MACROD2: variants seen among roughly 807,000 people sequenced by gnomAD.
MACROD2 encodes ADP-ribose glycohydrolase MACROD2.
A neutral mutation model predicts 70.4 loss-of-function variants in MACROD2; 36 were observed. The ratio of observed to expected loss-of-function variants is 0.51; its 90% CI spans 0.39 to 0.68. The LOEUF (loss-of-function observed/expected upper bound fraction) is 0.68. Among genes scored for constraint, MACROD2 ranks in the 30% least tolerant of loss-of-function variants. MACROD2 has a pLI of 0.00. For synonymous variants in MACROD2, 172 were observed against 178.8 expected (o/e 0.96, Z 0.30); for missense variants, 496 against 538.4 (o/e 0.92, Z 0.78).
At chr20:15,274,032 C>G (rs2077369251) in intron 6 of MACROD2, among the ~76,000 whole-genome samples, 1 of 152,168 alleles carries the variant, frequency 6.6e-6, no homozygotes, top group African/African-American at 2.4e-5. Flanking sequence ...TCCTTCTATT[C>G]AGGGTGAGGT....
At chr20:15,069,470 G>A (rs2075602315) in intron 5 of MACROD2, among the ~76,000 whole-genome samples, 2 of 152,202 alleles carry the variant, frequency 1.3e-5, no homozygotes, top group Admixed American at 1.3e-4. Context: ...GGCCTTGAAG[G>A]CATTTCAGAA....
At chr20:15,647,603 A>G (rs967686833) in intron 8 of MACROD2, among the ~76,000 whole-genome samples, 6 of 152,226 alleles carry the variant, frequency 3.9e-5, no homozygotes, top group African/African-American at 1.2e-4. Context: ...TACAAATGCA[A>G]TAACAGAGGA....
chr20:15,441,701 G>A (rs1468717673), intron 7 of MACROD2, among the ~76,000 whole-genome samples: 3 of 152,144 alleles, frequency 2.0e-5, no homozygotes, highest in African/African-American at 2.4e-5. Context: ...GGGTTTGGAT[G>A]TGCACTCCCT....
intron 6 of MACROD2, among the ~76,000 whole-genome samples, chr20:15,280,151 A>G (rs865790068): frequency 6.6e-6 from 1 of 152,242 alleles, no homozygotes; most frequent in Non-Finnish European, 1.5e-5. Flanking sequence ...CTAAATTTTT[A>G]TAACAAGGAG....
chr20:15,138,282 T>C (rs961633297), intron 5 of MACROD2, among the ~76,000 whole-genome samples: 1 of 152,150 alleles, frequency 6.6e-6, no homozygotes, highest in Non-Finnish European at 1.5e-5. Flanking sequence ...TAACTTCTGT[T>C]TGCTGAGGTT....
chr20:14,389,710 A>G (rs1430548734), intron 3 of MACROD2, among the ~76,000 whole-genome samples: 1 of 152,208 alleles, frequency 6.6e-6, no homozygotes, highest in Non-Finnish European at 1.5e-5. Flanking sequence ...AAATGGCACC[A>G]TGTACAATCT....
At chr20:14,502,047 A>C (rs1169483540) in intron 4 of MACROD2, among the ~76,000 whole-genome samples, 1 of 152,202 alleles carries the variant, frequency 6.6e-6, no homozygotes, top group Non-Finnish European at 1.5e-5. Context: ...TCCCGATTTA[A>C]ATATCTCTCA....
At chr20:14,009,670 G>A (rs888969615) in intron 2 of MACROD2, among the ~76,000 whole-genome samples, 6 of 152,110 alleles carry the variant, frequency 3.9e-5, no homozygotes, top group Non-Finnish European at 8.8e-5. Flanking sequence ...AAAAGAAGGC[G>A]TATGTTCATT....
intron 5 of MACROD2, among the ~76,000 whole-genome samples, chr20:14,755,502 C>T (rs1017995854): frequency 3.3e-5 from 5 of 152,094 alleles, no homozygotes; most frequent in Middle Eastern, 6.8e-3. Context: ...GCATTGGCTA[C>T]GTGAATTTTT....
chr20:15,309,256 A>G (rs1239992165), intron 6 of MACROD2, among the ~76,000 whole-genome samples: 11 of 152,312 alleles, frequency 7.2e-5, no homozygotes, highest in Non-Finnish European at 1.6e-4. Context: ...GAATTTCTAG[A>G]ATTTGCTTCA....
At chr20:14,605,566 T>C (rs1334047786) in intron 4 of MACROD2, among the ~76,000 whole-genome samples, 1 of 152,180 alleles carries the variant, frequency 6.6e-6, no homozygotes, top group Non-Finnish European at 1.5e-5. Context: ...CAACCCACAC[T>C]ATAAGTTAGG....
intron 5 of MACROD2, among the ~76,000 whole-genome samples, chr20:15,153,765 C>T (rs533455119): frequency 3.3e-4 from 50 of 152,164 alleles, no homozygotes; most frequent in African/African-American, 1.2e-3. Context: ...GTGAGTAGGG[C>T]CTGGAAAGCA....
At chr20:14,033,962 TTTTA>T (rs71190108) in intron 2 of MACROD2, among the ~76,000 whole-genome samples, 3 of 150,056 alleles carry the variant, frequency 2.0e-5, no homozygotes, top group East Asian at 2.0e-4. Context: ...CCTATTTTTA[TTTTA>T]TTTATTTATT....
At chr20:16,003,732 G>A (rs1168002422) in intron 15 of MACROD2, among the ~76,000 whole-genome samples, 2 of 152,046 alleles carry the variant, frequency 1.3e-5, no homozygotes, top group East Asian at 1.9e-4. Flanking sequence ...GTGCAGTGGC[G>A]TGATCTCAGC....
chr20:15,667,544 A>C (rs2049918292), intron 8 of MACROD2, among the ~76,000 whole-genome samples: 1 of 150,960 alleles, frequency 6.6e-6, no homozygotes, highest in African/African-American at 2.4e-5. Flanking sequence ...AATTGGAGAA[A>C]TTATGACAAT....
intron 5 of MACROD2, among the ~76,000 whole-genome samples, chr20:14,885,870 CTTCA>C (rs2073668613): frequency 6.6e-6 from 1 of 152,132 alleles, no homozygotes. Context: ...TTTTATGACC[CTTCA>C]TTCATTTATT....
chr20:15,428,587 CTTTCT>C (rs1568801083), intron 6 of MACROD2, among the ~76,000 whole-genome samples: 1 of 152,166 alleles, frequency 6.6e-6, no homozygotes, highest in Non-Finnish European at 1.5e-5. Flanking sequence ...TAACTCTTGT[CTTTCT>C]TATCACTTCA....
intron 6 of MACROD2, among the ~76,000 whole-genome samples, chr20:15,389,571 G>A (rs894997663): frequency 5.3e-5 from 8 of 152,186 alleles, no homozygotes; most frequent in Non-Finnish European, 1.2e-4. Context: ...AATCAAATAT[G>A]TTAATATTTT....
intron 5 of MACROD2, among the ~76,000 whole-genome samples, chr20:15,086,240 C>T (rs1258887461): frequency 2.6e-5 from 4 of 152,140 alleles, no homozygotes; most frequent in African/African-American, 9.7e-5. Flanking sequence ...CAAAGTATTG[C>T]ATTTCGTGGC....
Sources: gnomAD v4.1 joint callset for allele counts (sites outside exome capture counted in the v4.1 genomes callset) on GRCh38, gnomAD v4.1.1 for gene constraint, MANE v1.5 for transcripts, NCBI Gene and HGNC (gene_info 2026-07-23, HGNC 2026-07-21) for gene names.